The following PHACTR3 variants were observed in gnomAD, a reference collection of about 807,000 sequenced individuals.
PHACTR3 encodes the protein phosphatase and actin regulator 3.
A neutral mutation model predicts 66.8 loss-of-function variants in PHACTR3; 16 were observed. That is an observed-to-expected ratio of 0.24 (90% CI 0.16 to 0.36). PHACTR3 has a LOEUF of 0.36. PHACTR3 is among the 10% of genes least tolerant of loss of function. The probability of loss-of-function intolerance (pLI) is 1.00; values close to 1 mark genes in which losing one functional copy is unlikely to be tolerated. For missense variants in PHACTR3, 647 were observed against 719.9 expected, an observed-to-expected ratio of 0.90 and a Z score of 1.16; for synonymous variants, 323 against 292.1, an observed-to-expected ratio of 1.11 and a Z score of -1.08.
At chr20:59,596,470 A>G (rs566788354) in intron 1 of PHACTR3, among the ~76,000 whole-genome samples, 2 of 152,194 alleles carry the variant, frequency 1.3e-5, no homozygotes, top group Non-Finnish European at 2.9e-5. Context: ...TAAATGGAAT[A>G]AGATAGAACA....
chr20:59,642,684 T>C (rs2035147276), intron 1 of PHACTR3, among the ~76,000 whole-genome samples: 1 of 152,196 alleles, frequency 6.6e-6, no homozygotes, highest in African/African-American at 2.4e-5. Flanking sequence ...GCTATAGTAA[T>C]TGGGATGGAC....
intron 9 of PHACTR3, 98 bp downstream of exon 9, chr20:59,836,658 G>C: frequency 1.6e-6 from 2 of 1,212,670 alleles, no homozygotes; most frequent in South Asian, 2.9e-5. Flanking sequence ...CTCTGCAAGC[G>C]GAATGCTCCA....
At chr20:59,660,651 A>G (rs2035778498) in intron 1 of PHACTR3, among the ~76,000 whole-genome samples, 1 of 152,226 alleles carries the variant, frequency 6.6e-6, no homozygotes, top group Non-Finnish European at 1.5e-5. Flanking sequence ...CAGGGGTGAA[A>G]GCAGTCAGCT....
chr20:59,691,264 T>C (rs2037097702), intron 1 of PHACTR3, among the ~76,000 whole-genome samples: 1 of 152,210 alleles, frequency 6.6e-6, no homozygotes, highest in African/African-American at 2.4e-5. Flanking sequence ...ACAGGGATGA[T>C]TTTATTTTAC....
At chr20:59,785,802 G>A (rs2040886433) in intron 7 of PHACTR3, among the ~76,000 whole-genome samples, 1 of 152,160 alleles carries the variant, frequency 6.6e-6, no homozygotes, top group African/African-American at 2.4e-5. Context: ...AGCACAGCGT[G>A]TGAGGTCCGA....
At chr20:59,700,484 TATAAAA>T (rs1476581379) in intron 1 of PHACTR3, among the ~76,000 whole-genome samples, 3 of 152,212 alleles carry the variant, frequency 2.0e-5, no homozygotes, top group African/African-American at 2.4e-5. Context: ...TATATCAACT[TATAAAA>T]AGAAAAATTA....
intron 1 of PHACTR3, among the ~76,000 whole-genome samples, chr20:59,613,580 C>T (rs2033930641): frequency 6.6e-6 from 1 of 152,194 alleles, no homozygotes; most frequent in East Asian, 1.9e-4. Flanking sequence ...TGTATTGCTA[C>T]TCTAACAAGA....
At position 59,767,331 on chromosome 20, in the gene PHACTR3, C is replaced by T; in HGVS notation, c.687C>T (p.Pro229=). 6.2e-7 allele frequency: 1 copy of T among 1,614,154 alleles called. No homozygotes were observed. Residue 229 remains proline (P), a synonymous_variant, in exon 5 of 13, where the codon CCC becomes CCT. Coordinates refer to ENST00000371015, the MANE Select transcript of PHACTR3 (RefSeq NM_080672.5). ...RPLERSVGQL[P]SPPLLPTPPP... Reference sequence around the variant, plus strand: ...TGGAGAGATCCGTGGGCCAGCTCCCCAGCCCCCCACTGCTGCCCACTCCGC... The same window carrying T: ...TGGAGAGATCCGTGGGCCAGCTCCCTAGCCCCCCACTGCTGCCCACTCCGC...
At chr20:59,658,658 ATCTGTCTGCC>A (rs2035704461) in intron 1 of PHACTR3, among the ~76,000 whole-genome samples, 1 of 152,080 alleles carries the variant, frequency 6.6e-6, no homozygotes, top group African/African-American at 2.4e-5. Flanking sequence ...CTCCCTGTTA[ATCTGTCTGCC>A]TCTGTTGGTA....
intron 1 of PHACTR3, among the ~76,000 whole-genome samples, chr20:59,590,036 G>A (rs367983710): frequency 5.9e-5 from 9 of 152,164 alleles, no homozygotes; most frequent in Non-Finnish European, 8.8e-5. Context: ...CAGAACATCC[G>A]CCCTGTGCTT....
intron 1 of PHACTR3, among the ~76,000 whole-genome samples, chr20:59,596,030 C>T: frequency 6.6e-6 from 1 of 152,228 alleles, no homozygotes; most frequent in East Asian, 1.9e-4. Flanking sequence ...AGAATATAAC[C>T]TGGATCCCAA....
intron 1 of PHACTR3, among the ~76,000 whole-genome samples, chr20:59,714,630 GT>G (rs923980795): frequency 1.3e-5 from 2 of 151,774 alleles, no homozygotes; most frequent in African/African-American, 2.4e-5. Flanking sequence ...CTACCACTTT[GT>G]TTTTTTTCTT....
intron 7 of PHACTR3, among the ~76,000 whole-genome samples, chr20:59,795,648 A>G (rs191564189): frequency 7.5e-4 from 114 of 152,208 alleles, no homozygotes; most frequent in African/African-American, 2.5e-3. Flanking sequence ...TGTGCTTTAT[A>G]TATTTAGGTA....
chr20:59,688,955 T>G (rs976975656), intron 1 of PHACTR3, among the ~76,000 whole-genome samples: 5 of 152,186 alleles, frequency 3.3e-5, no homozygotes, highest in Non-Finnish European at 5.9e-5. Flanking sequence ...TATTTGGTGG[T>G]GCTCATATCT....
intron 1 of PHACTR3, among the ~76,000 whole-genome samples, chr20:59,682,925 G>T (rs1013124202): frequency 1.2e-4 from 18 of 152,156 alleles, no homozygotes; most frequent in South Asian, 4.1e-4. Context: ...GACGGGTCGG[G>T]GGGGACATTG....
intron 1 of PHACTR3, among the ~76,000 whole-genome samples, chr20:59,654,570 C>T (rs879801287): frequency 9.9e-5 from 15 of 152,116 alleles, no homozygotes; most frequent in Admixed American, 3.3e-4. Flanking sequence ...ACCACTGCCT[C>T]TAAAGGATTC....
intron 4 of PHACTR3, among the ~76,000 whole-genome samples, chr20:59,757,014 A>C (rs2039821299): frequency 6.6e-6 from 1 of 152,238 alleles, no homozygotes; most frequent in African/African-American, 2.4e-5. Context: ...CAAATTGATA[A>C]GAAAAAAACC....
chr20:59,841,656 T>G, intron 11 of PHACTR3, 121 bp downstream of exon 11: 1 of 988,806 alleles, frequency 1.0e-6, no homozygotes, highest in Non-Finnish European at 1.4e-6. Context: ...TATACTGCAG[T>G]AAATATTGGT....
intron 1 of PHACTR3, among the ~76,000 whole-genome samples, chr20:59,614,489 A>G (rs1159927361): frequency 1.3e-5 from 2 of 152,190 alleles, no homozygotes; most frequent in Non-Finnish European, 2.9e-5. Context: ...GTAGCTTGGC[A>G]ACGCACCTTA....
Sources: allele counts gnomAD v4.1 joint callset (sites outside exome capture counted in the v4.1 genomes callset), GRCh38; gene constraint gnomAD v4.1.1; transcripts MANE v1.5; gene names NCBI Gene and HGNC (gene_info 2026-07-23, HGNC 2026-07-21).